The following ZMYND8 variants were observed in gnomAD, a reference collection of about 807,000 sequenced individuals.
ZMYND8 encodes zinc finger MYND-type containing 8, also known as MYND-type zinc finger-containing chromatin reader ZMYND8.
Under a neutral mutation model 140.8 loss-of-function variants are expected in ZMYND8, and 37 were observed. The ratio of observed to expected loss-of-function variants is 0.26; its 90% CI spans 0.20 to 0.35. The LOEUF (loss-of-function observed/expected upper bound fraction) is 0.35, where lower values mean the gene tolerates loss of function less well. ZMYND8 is among the 10% of genes least tolerant of loss of function. ZMYND8 has a pLI of 1.00. For synonymous variants in ZMYND8, 592 were observed against 597.1 expected (o/e 0.99, Z 0.12); for missense variants, 1,068 against 1,570.0 (o/e 0.68, Z 5.40).
At chr20:47,211,707 A>G (rs1248617263) in intron 22 of ZMYND8, among the ~76,000 whole-genome samples, 1 of 152,214 alleles carries the variant, frequency 6.6e-6, no homozygotes, top group Non-Finnish European at 1.5e-5. Context: ...ATCCTGGATC[A>G]TGTACTAAGT....
intron 11 of ZMYND8, among the ~76,000 whole-genome samples, chr20:47,273,362 A>G (rs1355368243): frequency 6.6e-6 from 1 of 152,134 alleles, no homozygotes; most frequent in Non-Finnish European, 1.5e-5. Context: ...CCTGGCCAAC[A>G]TGGTGAAACC....
Position 47,276,522 on chromosome 20 carries a change from C to T in ZMYND8, c.1272G>A (p.Thr424=), listed in dbSNP as rs768307184. 4.3e-6 allele frequency: 7 copies of T among 1,613,984 alleles called. No homozygotes were observed. The highest frequency in any genetic ancestry group is 8.5e-7 in the Non-Finnish European group (1 of 1,180,016). ...TGCTCATCAGGATCTTGGGGGATGC[C>T]GTCATGTCAAAGTTGAGCTTGACCT... is the stretch of plus-strand genomic sequence containing the variant. The part of the protein sequence containing the change: ...QEKVKLNFDM[T]ASPKILMSKP... The change falls in exon 11 of 23, where the codon ACG becomes ACA. Residue 424 remains threonine (T), a synonymous_variant. Transcript: ENST00000471951.
intron 11 of ZMYND8, among the ~76,000 whole-genome samples, chr20:47,266,774 A>G (rs773970178): frequency 7.9e-5 from 12 of 152,170 alleles, no homozygotes; most frequent in Non-Finnish European, 1.8e-4. Context: ...TTAGGGGGTG[A>G]AAAAATCTTA....
At chr20:47,218,701 G>A (rs1385670167) in intron 21 of ZMYND8, among the ~76,000 whole-genome samples, 1 of 152,182 alleles carries the variant, frequency 6.6e-6, no homozygotes, top group Non-Finnish European at 1.5e-5. Context: ...AAGGGGAAGT[G>A]AAGAGGGAGT....
chr20:47,284,533 A>G (rs1184266248), intron 8 of ZMYND8, among the ~76,000 whole-genome samples: 1 of 152,150 alleles, frequency 6.6e-6, no homozygotes, highest in African/African-American at 2.4e-5. Flanking sequence ...GGTTCCCTCA[A>G]AGCCACATGT....
At chr20:47,283,746 AAGTCCCAT>A in intron 8 of ZMYND8, 98 bp from the exon 9 acceptor site, 1 of 1,251,010 alleles carries the variant, frequency 8.0e-7, no homozygotes, top group South Asian at 1.3e-5. Flanking sequence ...AGATGTTTTA[AAGTCCCAT>A]AGAGGGAACA....
chr20:47,331,524 G>T (rs549715814), intron 2 of ZMYND8, among the ~76,000 whole-genome samples: 2 of 152,260 alleles, frequency 1.3e-5, no homozygotes, highest in East Asian at 3.9e-4. Context: ...AGCAATCTAG[G>T]TTGGAAACAT....
intron 12 of ZMYND8, among the ~76,000 whole-genome samples, chr20:47,260,704 C>A (rs151198600): frequency 6.6e-6 from 1 of 152,230 alleles, no homozygotes; most frequent in African/African-American, 2.4e-5. Context: ...TTCCAGACAT[C>A]CATCATGGTG....
rs920158436 is a variant in ZMYND8 at position 47,311,761 on chromosome 20, T to C, written c.86-1557A>G. On this transcript the variant is annotated intron_variant, in intron 2 of 22. Transcript: ENST00000471951. Reference sequence around the variant, plus strand: ...GGCACACACCTGTAATCCCAGCTACTTGGGAGACTGAGGCAGGAGAATCGC... The same window carrying C: ...GGCACACACCTGTAATCCCAGCTACCTGGGAGACTGAGGCAGGAGAATCGC... Among the ~76,000 whole-genome samples, 8 of 152,058 alleles carry C rather than the reference T, an allele frequency of 5.3e-5. No individual in the cohort carries two copies. The East Asian group carries it at 1.4e-3, about 26-fold the overall frequency.
Position 47,310,162 on chromosome 20 carries a change from G to A in ZMYND8, c.128C>T (p.Pro43Leu), listed in dbSNP as rs2078814515. Residue 43 changes from proline to leucine, a missense_variant, in exon 3 of 23, where the codon CCC becomes CTC. Physicochemically the swap from Pro to Leu is moderately conservative, Grantham distance 98. Around this residue, in one of 10 missense-constraint regions of ZMYND8, gnomAD observed 77 missense variants for 85.1 expected, o/e 0.91. Coordinates refer to ENST00000471951, the MANE Select transcript of ZMYND8 (RefSeq NM_001281775.3). Reference sequence around the variant, plus strand: ...GCCATTGGAAGAATGTGGAGGGCTGGGGAACTTTCTTTTCTGGGCTGTTCT... The same window carrying A: ...GCCATTGGAAGAATGTGGAGGGCTGAGGAACTTTCTTTTCTGGGCTGTTCT... ...AERTAQKRKFPSPPHSSNGHS... is the reference protein window; with the variant it reads ...AERTAQKRKFLSPPHSSNGHS... 1 of 1,612,546 alleles carries A rather than the reference G, an allele frequency of 6.2e-7. No individual in the cohort carries two copies. Among genetic ancestry groups the A allele is most frequent in the Non-Finnish European group, 8.5e-7 (1 of 1,179,744 alleles).
At position 47,276,556 on chromosome 20, in the gene ZMYND8, T is replaced by C; in HGVS notation, c.1238A>G (p.Lys413Arg). The C allele has an allele frequency of 1.2e-6, 2 of 1,613,944 alleles. No individual in the cohort carries two copies. The highest frequency in any genetic ancestry group is 1.7e-6 in the Non-Finnish European group (2 of 1,180,006). Residue 413 changes from lysine to arginine, a missense_variant, in exon 11 of 23, where the codon AAG (lysine) becomes AGG (arginine). Lys to Arg is a conservative substitution (Grantham distance 26). Transcript: ENST00000471951. ...AAAGTTGAGCTTGACCTTCTCCTGCTTGTCTATCTTGGCAGTGCCGGCGCT... is the reference window on the plus strand; with the variant it reads ...AAAGTTGAGCTTGACCTTCTCCTGCCTGTCTATCTTGGCAGTGCCGGCGCT... ...NPSAGTAKID[K>R]QEKVKLNFDM... is the part of the protein sequence containing the mutation.
At chr20:47,245,954 G>C (rs77690386) in intron 14 of ZMYND8, 54 bp downstream of exon 14, 1 of 1,530,364 alleles carries the variant, frequency 6.5e-7, no homozygotes, top group Non-Finnish European at 8.7e-7. Flanking sequence ...GTAAGTGTAC[G>C]AGGTAGGATT....
intron 8 of ZMYND8, among the ~76,000 whole-genome samples, 191 bp downstream of exon 8, chr20:47,287,038 A>C (rs1375162348): frequency 6.6e-6 from 1 of 152,214 alleles, no homozygotes; most frequent in East Asian, 1.9e-4. Flanking sequence ...TCATTGCTAC[A>C]GTAAGGGTGT....
At chr20:47,339,545 C>G (rs2148520204) in intron 2 of ZMYND8, among the ~76,000 whole-genome samples, 1 of 152,016 alleles carries the variant, frequency 6.6e-6, no homozygotes, top group South Asian at 2.1e-4. Context: ...GGCGCAATCT[C>G]TGCTCACTGC....
chr20:47,249,154 G>C, intron 13 of ZMYND8, 133 bp downstream of exon 13: 1 of 1,090,466 alleles, frequency 9.2e-7, no homozygotes, highest in Non-Finnish European at 1.3e-6. Context: ...TATTTTAGCT[G>C]AGCAAATAGT....
chr20:47,298,593 C>A lies in ZMYND8; in HGVS notation c.453+136G>T. ...CCGGTGTTGGTCAAGAAGGGGGTGA[C>A]CAGGATAGAACAGGTGGAAAGCAAG... On this transcript the variant is annotated intron_variant, in intron 4 of 22. Coordinates refer to ENST00000471951, the MANE Select transcript of ZMYND8 (RefSeq NM_001281775.3). This position sits in a 1 kb window ranked among gnomAD's most constrained non-coding sequence, Gnocchi z 5.0. The A allele has an allele frequency of 1.4e-6, 2 of 1,478,036 alleles. No homozygotes were observed. The highest frequency in any genetic ancestry group is 2.5e-5 in the East Asian group (1 of 40,272). The allele number at this position is 1,478,036 out of a possible 1,614,324, so 91.6% of individuals were successfully genotyped here.
chr20:47,355,284 T>C (rs1012474666), intron 1 of ZMYND8, among the ~76,000 whole-genome samples: 8 of 152,188 alleles, frequency 5.3e-5, no homozygotes, highest in Non-Finnish European at 1.0e-4. Flanking sequence ...AAACAGTGGA[T>C]TCAAACAGTC....
At chr20:47,225,105 TGTAG>T (rs141612402) in intron 18 of ZMYND8, among the ~76,000 whole-genome samples, 16,067 of 152,086 alleles carry the variant, frequency 0.11, 1,567 homozygotes, top group African/African-American at 0.25. Context: ...CGTGCTTTCT[TGTAG>T]GTGTCTCCTG....
chr20:47,342,700 T>G (rs551942513), intron 2 of ZMYND8, among the ~76,000 whole-genome samples: 8 of 151,654 alleles, frequency 5.3e-5, no homozygotes, highest in East Asian at 1.9e-4. Context: ...ACAAAAAAAT[T>G]AGCCGGGCAT....
Sources: allele counts gnomAD v4.1 joint callset (sites outside exome capture counted in the v4.1 genomes callset), GRCh38; gene constraint gnomAD v4.1.1; regional missense constraint gnomAD v4.1.1; non-coding constraint Gnocchi (gnomAD v3.1); transcripts MANE v1.5; gene names NCBI Gene and HGNC (gene_info 2026-07-23, HGNC 2026-07-21).